DCDC2: variants seen among roughly 807,000 people sequenced by gnomAD.
The protein encoded by DCDC2 is doublecortin domain containing 2.
DCDC2 carries 40 observed loss-of-function variants against 50.2 expected under a neutral mutation model. The observed-to-expected ratio is 0.80, with a 90% CI of 0.62 to 1.04. The LOEUF is 1.04. DCDC2 is among the 50% of genes least tolerant of loss of function. The pLI, the probability that DCDC2 is intolerant of heterozygous loss-of-function variation, is 0.00. For missense variants in DCDC2, 570 were observed against 581.9 expected (o/e 0.98, Z 0.21); for synonymous variants, 234 against 210.6 (o/e 1.11, Z -0.96).
intron 4 of DCDC2, among the ~76,000 whole-genome samples, chr6:24,297,724 T>G (rs1273612562): frequency 6.6e-6 from 1 of 152,180 alleles, no homozygotes; most frequent in Non-Finnish European, 1.5e-5. Context: ...TTGTAATTAT[T>G]GAGATCTGCC....
intron 2 of DCDC2, among the ~76,000 whole-genome samples, chr6:24,326,784 G>C (rs1759876191): frequency 6.8e-6 from 1 of 148,000 alleles, no homozygotes; most frequent in African/African-American, 2.4e-5. Flanking sequence ...CCCTGAGCCT[G>C]GGAGATCGAG....
At chr6:24,346,364 T>C (rs1581663725) in intron 2 of DCDC2, among the ~76,000 whole-genome samples, 2 of 152,114 alleles carry the variant, frequency 1.3e-5, no homozygotes, top group Admixed American at 6.6e-5. Context: ...AAGGCCAAGG[T>C]ATTTTTAAGA....
Position 24,350,321 on chromosome 6 carries a change from G to A in DCDC2, c.348+3248C>T, listed in dbSNP as rs141481089. The stretch of plus-strand genomic sequence containing the variant: ...TCGTACCCATGGTCTTGGGTGAGCT[G>A]CTCTGGAAAAGGAGAAGGAATAACT... On this transcript the variant is annotated intron_variant, in intron 2 of 9. Transcript: ENST00000378454. Among the ~76,000 whole-genome samples, 464 of 152,290 alleles carry A rather than the reference G, an allele frequency of 3.0e-3. 1 individual carries two copies. Among genetic ancestry groups the A allele is most frequent in the African/African-American group, 8.4e-3 (349 of 41,560 alleles).
At chr6:24,287,331 T>C (rs1763635779) in intron 6 of DCDC2, among the ~76,000 whole-genome samples, 1 of 149,374 alleles carries the variant, frequency 6.7e-6, no homozygotes, top group African/African-American at 2.5e-5. Context: ...GGAGCCTTTG[T>C]TTGTATTGTA....
intron 7 of DCDC2, among the ~76,000 whole-genome samples, chr6:24,246,479 C>CTTTTTTTTTTTTTT (rs4052666): frequency 0.018 from 1,274 of 70,760 alleles, 65 homozygotes; most frequent in Middle Eastern, 0.036. Flanking sequence ...TTTTCTTTTT[C>CTTTTTTTTTTTTTT]TTTTTTTTTT....
intron 7 of DCDC2, among the ~76,000 whole-genome samples, chr6:24,273,233 G>A (rs66492054): frequency 0.13 from 19,056 of 152,078 alleles, 1,200 homozygotes; most frequent in East Asian, 0.17. Context: ...TAAATAATGC[G>A]TACACATGAG....
the DCDC2 span, among the ~76,000 whole-genome samples, chr6:24,382,277 G>A: frequency 6.6e-6 from 1 of 151,994 alleles, no homozygotes. Context: ...CCTCAGGAAT[G>A]ATATCAGGTG....
intron 8 of DCDC2, among the ~76,000 whole-genome samples, chr6:24,187,343 A>G (rs1394674818): frequency 6.6e-6 from 1 of 152,106 alleles, no homozygotes; most frequent in East Asian, 1.9e-4. Context: ...CCTATTACTC[A>G]TGCTGTTCCT....
At chr6:24,206,822 G>A (rs1761725290) in intron 7 of DCDC2, among the ~76,000 whole-genome samples, 5 of 152,160 alleles carry the variant, frequency 3.3e-5, no homozygotes, top group South Asian at 4.1e-4. Context: ...AAAGCTCAAC[G>A]CTGTGCACAG....
In DCDC2 at chr6:24,357,538, G is replaced by T. The variant is rs1760496612; in HGVS notation, c.213C>A (p.Gly71=). The T allele has an allele frequency of 6.2e-7, 1 of 1,613,530 alleles. No individual in the cohort carries two copies. Among genetic ancestry groups the T allele is most frequent in the South Asian group, 1.1e-5 (1 of 91,092 alleles). The part of the protein sequence containing the change: ...AVRNIYTPRT[G]HRIRKLDQIQ... The stretch of plus-strand genomic sequence containing the variant: ...TCTGGTCTAGCTTCCGGATTCGGTG[G>T]CCAGTCCGCGGGGTGTAGATGTTCC... Residue 71 remains glycine (G), a synonymous_variant, in exon 1 of 10, where the codon GGC becomes GGA. Transcript: ENST00000378454.
chr6:24,312,086 C>G (rs1279798706), intron 2 of DCDC2, among the ~76,000 whole-genome samples: 1 of 152,146 alleles, frequency 6.6e-6, no homozygotes, highest in Non-Finnish European at 1.5e-5. Context: ...TTCTCCTGGA[C>G]AGTGAGTCTC....
At chr6:24,200,232 A>G (rs1013805596) in intron 8 of DCDC2, among the ~76,000 whole-genome samples, 9 of 152,214 alleles carry the variant, frequency 5.9e-5, no homozygotes, top group African/African-American at 2.2e-4. Flanking sequence ...GTTGAAATGA[A>G]GGAAAAAATG....
intron 7 of DCDC2, among the ~76,000 whole-genome samples, chr6:24,216,312 T>C (rs1261460892): frequency 6.7e-6 from 1 of 149,870 alleles, no homozygotes; most frequent in African/African-American, 2.5e-5. Flanking sequence ...CGAAAAGAAA[T>C]AGTAAAAGGT....
chr6:24,246,734 G>A (rs569393780), intron 7 of DCDC2, among the ~76,000 whole-genome samples: 24 of 152,004 alleles, frequency 1.6e-4, no homozygotes, highest in East Asian at 5.8e-4. Flanking sequence ...TGATCTGCCC[G>A]CCTCAACCTC....
At chr6:24,292,906 G>A (rs978161353) in intron 4 of DCDC2, among the ~76,000 whole-genome samples, 1 of 152,178 alleles carries the variant, frequency 6.6e-6, no homozygotes, top group Non-Finnish European at 1.5e-5. Flanking sequence ...ACTGCCAAAT[G>A]TCCCCAAGGG....
the DCDC2 span, among the ~76,000 whole-genome samples, chr6:24,381,685 C>T: frequency 6.6e-6 from 1 of 152,138 alleles, no homozygotes; most frequent in East Asian, 1.9e-4. Flanking sequence ...TGGCTCATGC[C>T]TGTAATTCCA....
At chr6:24,191,970 C>T (rs190634793) in intron 8 of DCDC2, among the ~76,000 whole-genome samples, 2 of 152,194 alleles carry the variant, frequency 1.3e-5, no homozygotes, top group East Asian at 3.9e-4. Flanking sequence ...CTAAAGAAGG[C>T]TTGGGGATGG....
intron 4 of DCDC2, among the ~76,000 whole-genome samples, chr6:24,298,274 T>A (rs1435584899): frequency 1.3e-5 from 2 of 152,232 alleles, no homozygotes; most frequent in Non-Finnish European, 2.9e-5. Context: ...CCTCCTGCTG[T>A]GCAGTCGGGT....
intron 2 of DCDC2, among the ~76,000 whole-genome samples, chr6:24,322,734 A>G (rs955447875): frequency 6.6e-6 from 1 of 152,178 alleles, no homozygotes; most frequent in Non-Finnish European, 1.5e-5. Flanking sequence ...ATTTACCTAT[A>G]GCCTGGAAGC....
Sources: gnomAD v4.1 joint callset for allele counts (sites outside exome capture counted in the v4.1 genomes callset) on GRCh38, gnomAD v4.1.1 for gene constraint, MANE v1.5 for transcripts, NCBI Gene and HGNC (gene_info 2026-07-23, HGNC 2026-07-21) for gene names.